MUC17: variants seen among roughly 807,000 people sequenced by gnomAD.
MUC17 encodes the protein mucin-17.
MUC17 carries 190 observed loss-of-function variants against 170.3 expected under a neutral mutation model. The observed-to-expected ratio is 1.12, with a 90% confidence interval of 0.99 to 1.26. The LOEUF is 1.26. Among genes scored for constraint, MUC17 ranks in the 50% most tolerant of loss-of-function variants. The pLI is 0.00. For synonymous variants in MUC17, 2,325 were observed against 2,002.5 expected, an observed-to-expected ratio of 1.16 and a Z score of -4.30; for missense variants, 6,415 against 5,530.0, an observed-to-expected ratio of 1.16 and a Z score of -5.08.
chr7:101,034,583 G>A lies in MUC17; in HGVS notation c.3167G>A (p.Ser1056Asn). Residue 1056 changes from serine (S) to asparagine (N), a missense_variant, in exon 3 of 13, where the codon AGT (serine) becomes AAT (asparagine). Coordinates refer to ENST00000306151, the MANE Select transcript of MUC17 (RefSeq NM_001040105.2). ...RMPVSTTMVASSETSTLSTTP... is the reference protein window; with the variant it reads ...RMPVSTTMVANSETSTLSTTP... Reference sequence around the variant, plus strand: ...CCTGTCAGCACCACAATGGTGGCCAGTTCTGAAACGAGCACACTTTCAACA... The same window carrying A: ...CCTGTCAGCACCACAATGGTGGCCAATTCTGAAACGAGCACACTTTCAACA... 6.2e-7 allele frequency: 1 copy of A among 1,607,142 alleles called. No individual in the cohort carries two copies. The highest frequency in any genetic ancestry group is 1.1e-5 in the South Asian group (1 of 90,686).
rs775356493 is a variant in MUC17 at position 101,040,483 on chromosome 7, GA to G, written c.9069del (p.Ala3024ProfsTer25). The part of the protein sequence containing the change: ...DTSTPVTTST[E>X]ASSSPTTAEG... ...CAGCACACCTGTGACCACTTCTACT[GA>G]AGCCAGTTCCTCTCCTACAACTGCT... On this transcript the variant is annotated frameshift_variant, in exon 3 of 13. Coordinates refer to ENST00000306151, the MANE Select transcript of MUC17 (RefSeq NM_001040105.2). LOFTEE classifies it high-confidence loss of function. The G allele has an allele frequency of 1.2e-6, 2 of 1,611,482 alleles. No homozygotes were observed. The highest frequency in any genetic ancestry group is 2.2e-5 in the South Asian group (2 of 90,838).
In MUC17 at chr7:101,038,363, C is replaced by G. The variant is rs778868824; in HGVS notation, c.6947C>G (p.Ala2316Gly). 3.7e-6 allele frequency: 6 copies of G among 1,613,926 alleles called. No homozygotes were observed. The South Asian group carries it at 4.4e-5, about 12-fold the overall frequency. The change falls in exon 3 of 13, where the codon GCC becomes GGC. Residue 2316 changes from alanine (A) to glycine (G), a missense_variant. Ala to Gly is a moderately conservative substitution (Grantham distance 60). Transcript: ENST00000306151. ...ACTCCTTTCACTACTTCTACTGAAG[C>G]CAGTTCACCTCCTCCCACTGCTGAA... ...SNTPFTTSTE[A>G]SSPPPTAEGT...
rs1291683401 is a variant in MUC17 at position 101,038,006 on chromosome 7, A to G, written c.6590A>G (p.Glu2197Gly). The change falls in exon 3 of 13, where the codon GAA becomes GGA. Residue 2197 changes from glutamate to glycine, a missense_variant. Coordinates refer to ENST00000306151, the MANE Select transcript of MUC17 (RefSeq NM_001040105.2). ...DTSTPVTNST[E>G]ARSSPTTSEG... is the part of the protein sequence containing the mutation. ...AGCACACCTGTGACCAATTCTACTGAAGCCCGTTCATCTCCTACAACTTCT... is the reference window on the plus strand; with the variant it reads ...AGCACACCTGTGACCAATTCTACTGGAGCCCGTTCATCTCCTACAACTTCT... 3.7e-6 allele frequency: 6 copies of G among 1,607,972 alleles called. No individual in the cohort carries two copies. The African/African-American group carries it at 8.1e-5, about 22-fold the overall frequency.
intron 7 of MUC17, among the ~76,000 whole-genome samples, chr7:101,051,130 C>T (rs1794933577): frequency 6.6e-6 from 1 of 152,020 alleles, no homozygotes; most frequent in African/African-American, 2.4e-5. Context: ...CTTTGGGAGG[C>T]TGAGACGGGC....
Position 101,041,880 on chromosome 7 carries a change from T to C in MUC17, c.10464T>C (p.Pro3488=). Reference sequence around the variant, plus strand: ...CAACTCCTGTTGACACCAGCACACCTGTGACCACTTCTTCTCCAACCAATT... The same window carrying C: ...CAACTCCTGTTGACACCAGCACACCCGTGACCACTTCTTCTCCAACCAATT... ...LSTTPVDTST[P]VTTSSPTNSS... is the part of the protein sequence containing the mutation. Residue 3488 remains proline (P), a synonymous_variant, in exon 3 of 13, where the codon CCT becomes CCC. Transcript: ENST00000306151. The C allele has an allele frequency of 6.2e-7, 1 of 1,614,014 alleles. No individual in the cohort carries two copies.
At position 101,034,381 on chromosome 7, in the gene MUC17, C is replaced by T; in HGVS notation, c.2965C>T (p.Pro989Ser). The T allele has an allele frequency of 6.2e-7, 1 of 1,608,656 alleles. No homozygotes were observed. The highest frequency in any genetic ancestry group is 1.1e-5 in the South Asian group (1 of 90,220). The change falls in exon 3 of 13, where the codon CCT (proline) becomes TCT (serine). Residue 989 changes from proline (P) to serine (S), a missense_variant. Transcript: ENST00000306151. ...AGGAACGACTCCATTAACAAGCACA[C>T]CTGTCAGCCACACGCTGGTGGCCAA... The part of the protein sequence containing the change: ...SEGTTPLTST[P>S]VSHTLVANSE...
chr7:101,024,491 A>G (rs971024719), intron 1 of MUC17, among the ~76,000 whole-genome samples: 1 of 151,958 alleles, frequency 6.6e-6, no homozygotes, highest in Non-Finnish European at 1.5e-5. Flanking sequence ...TGTGACCGCA[A>G]CTGCTTCTGC....
At position 101,039,338 on chromosome 7, in the gene MUC17, G is replaced by A. The variant is rs143438288; in HGVS notation, c.7922G>A (p.Ser2641Asn). ...VSTSLTSILV[S>N]TMPVASSEAS... Reference sequence around the variant, plus strand: ...ACTTCATTAACAAGTATACTTGTCAGCACCATGCCAGTGGCCAGTTCTGAG... The same window carrying A: ...ACTTCATTAACAAGTATACTTGTCAACACCATGCCAGTGGCCAGTTCTGAG... The change falls in exon 3 of 13, where the codon AGC becomes AAC. Residue 2641 changes from serine to asparagine, a missense_variant. Transcript: ENST00000306151. 2.0e-5 allele frequency: 32 copies of A among 1,613,016 alleles called. No individual in the cohort carries two copies. Among genetic ancestry groups the A allele is most frequent in the African/African-American group, 2.7e-5 (2 of 74,802 alleles).
chr7:101,022,130 A>C (rs1794102173), intron 1 of MUC17, among the ~76,000 whole-genome samples: 2 of 143,768 alleles, frequency 1.4e-5, no homozygotes, highest in Non-Finnish European at 1.5e-5. Flanking sequence ...TAGCACTTCC[A>C]TCACCATCCC....
chr7:101,030,653 T>C (rs776515669), intron 1 of MUC17, among the ~76,000 whole-genome samples: 8 of 152,146 alleles, frequency 5.3e-5, no homozygotes, highest in Non-Finnish European at 1.2e-4. Context: ...ATTATGAACA[T>C]GATCTCCTGG....
chr7:101,035,494 ACTC>A lies in MUC17; in HGVS notation c.4081_4083del (p.Pro1361del). On this transcript the variant is annotated inframe_deletion, in exon 3 of 13. Coordinates refer to ENST00000306151, the MANE Select transcript of MUC17 (RefSeq NM_001040105.2). ...TTCTGCAATCAGCATCCTTTCAACA[ACTC>A]CTGTTGACAACAGCACACCTGTGAC... 1 of 1,599,738 alleles carries A rather than the reference ACTC, an allele frequency of 6.3e-7. No homozygotes were observed. The highest frequency in any genetic ancestry group is 8.5e-7 in the Non-Finnish European group (1 of 1,171,804).
In MUC17 at chr7:101,042,928, C is replaced by A. The variant is rs1794758506; in HGVS notation, c.11512C>A (p.Pro3838Thr). 3 of 1,614,012 alleles carry A rather than the reference C, an allele frequency of 1.9e-6. No individual in the cohort carries two copies. The highest frequency in any genetic ancestry group is 3.3e-5 in the Admixed American group (2 of 60,004). The change falls in exon 3 of 13, where the codon CCT becomes ACT. Residue 3838 changes from proline to threonine, a missense_variant. Transcript: ENST00000306151. ...SPSEASTLSTPPGDTSTPLLT... is the reference protein window; with the variant it reads ...SPSEASTLSTTPGDTSTPLLT... ...TTCTGAGGCCAGCACACTTTCAACA[C>A]CTCCTGGTGATACCAGCACACCTTT...
At chr7:101,053,574 C>T in intron 11 of MUC17, 138 bp downstream of exon 11, 1 of 620,958 alleles carries the variant, frequency 1.6e-6, no homozygotes. Context: ...TCAAGATCAG[C>T]CTGGGCAACA....
intron 1 of MUC17, 100 bp from the exon 2 acceptor site, chr7:101,031,020 G>A (rs976488046): frequency 7.1e-7 from 1 of 1,412,634 alleles, no homozygotes; most frequent in Non-Finnish European, 9.4e-7. Context: ...TGGTTCAGGG[G>A]CCAGGGACTT....
In MUC17 at chr7:101,035,633, C is replaced by T. The variant is rs374939837; in HGVS notation, c.4217C>T (p.Thr1406Met). The T allele has an allele frequency of 1.4e-4, 227 of 1,612,520 alleles. No individual in the cohort carries two copies. The highest frequency in any genetic ancestry group is 1.8e-4 in the Non-Finnish European group (213 of 1,179,138). ...TPLTSIPVST[T>M]PVVSSEASTL... ...TTAACAAGTATACCTGTCAGCACCA[C>T]GCCGGTAGTCAGTTCTGAGGCTAGC... Residue 1406 changes from threonine (T) to methionine (M), a missense_variant, in exon 3 of 13, where the codon ACG becomes ATG. By Grantham distance (81) the Thr-to-Met change is moderately conservative. Transcript: ENST00000306151.
intron 3 of MUC17, among the ~76,000 whole-genome samples, chr7:101,046,023 T>C (rs1287390042): frequency 6.6e-6 from 1 of 152,188 alleles, no homozygotes; most frequent in Non-Finnish European, 1.5e-5. Context: ...CTAGCCTGTG[T>C]TTTGGCACTT....
At chr7:101,049,015 C>A in intron 5 of MUC17, 43 bp downstream of exon 5, 1 of 1,613,248 alleles carries the variant, frequency 6.2e-7, no homozygotes, top group Non-Finnish European at 8.5e-7. Flanking sequence ...TCAGTTCCCC[C>A]CAGAGCAGAG....
intron 12 of MUC17, among the ~76,000 whole-genome samples, chr7:101,057,021 T>C (rs1008683263): frequency 2.0e-5 from 3 of 152,186 alleles, no homozygotes; most frequent in African/African-American, 7.2e-5. Flanking sequence ...CATGGTGTCA[T>C]CTAACTTGCC....
rs1343592096 is a variant in MUC17 at position 101,039,049 on chromosome 7, C to G, written c.7633C>G (p.Pro2545Ala). ...LSTTPVDSNS[P>A]VVTSTEISSS... ...AACAACTCCTGTTGACTCCAACAGT[C>G]CTGTGGTCACTTCTACTGAAATCAG... Residue 2545 changes from proline to alanine, a missense_variant, in exon 3 of 13, where the codon CCT (proline) becomes GCT (alanine). Coordinates refer to ENST00000306151, the MANE Select transcript of MUC17 (RefSeq NM_001040105.2). 10 of 1,613,438 alleles carry G rather than the reference C, an allele frequency of 6.2e-6. No homozygotes were observed. The highest frequency in any genetic ancestry group is 2.7e-5 in the African/African-American group (2 of 74,734).
Sources: gnomAD v4.1 joint callset for allele counts (sites outside exome capture counted in the v4.1 genomes callset) on GRCh38, gnomAD v4.1.1 for gene constraint, MANE v1.5 for transcripts, NCBI Gene and HGNC (gene_info 2026-07-23, HGNC 2026-07-21) for gene names.